TOX: variants seen among roughly 807,000 people sequenced by gnomAD.
The protein encoded by TOX is thymocyte selection associated high mobility group box.
A neutral mutation model predicts 53.7 loss-of-function variants in TOX; 11 were observed. The observed-to-expected ratio is 0.20, with a 90% CI of 0.13 to 0.34. TOX has a LOEUF of 0.34. Among genes scored for constraint, TOX ranks in the 10% least tolerant of loss-of-function variants. TOX has a pLI of 1.00. For synonymous variants in TOX, 225 were observed against 245.3 expected, an observed-to-expected ratio of 0.92 and a Z score of 0.77; for missense variants, 570 against 664.6, an observed-to-expected ratio of 0.86 and a Z score of 1.56.
chr8:59,110,839 G>A (rs1322445682), intron 1 of TOX, among the ~76,000 whole-genome samples: 1 of 151,960 alleles, frequency 6.6e-6, no homozygotes, highest in African/African-American at 2.4e-5. Context: ...TTATCTCTTT[G>A]ACTCTCTTCC....
intron 3 of TOX, among the ~76,000 whole-genome samples, chr8:58,889,134 C>T (rs1278908390): frequency 2.0e-5 from 3 of 149,676 alleles, no homozygotes; most frequent in Non-Finnish European, 3.0e-5. Flanking sequence ...CATTTTTTAT[C>T]CAGAAGTTCC....
intron 1 of TOX, among the ~76,000 whole-genome samples, chr8:59,101,095 G>A (rs915676374): frequency 6.6e-6 from 1 of 152,126 alleles, no homozygotes; most frequent in Non-Finnish European, 1.5e-5. Context: ...GAAAGGAAAG[G>A]AAAAGCGCAG....
intron 3 of TOX, among the ~76,000 whole-genome samples, chr8:58,909,278 G>A (rs1811869974): frequency 6.6e-6 from 1 of 152,120 alleles, no homozygotes; most frequent in Non-Finnish European, 1.5e-5. Context: ...GTTGATAGGT[G>A]CAGCAAACCA....
chr8:58,980,694 C>A (rs1215846611), intron 1 of TOX, among the ~76,000 whole-genome samples: 1 of 152,188 alleles, frequency 6.6e-6, no homozygotes. Context: ...CCTCTAAGGT[C>A]TTAGAACTGC....
intron 1 of TOX, among the ~76,000 whole-genome samples, chr8:59,016,939 A>G (rs1814023137): frequency 6.6e-6 from 1 of 152,194 alleles, no homozygotes; most frequent in African/African-American, 2.4e-5. Flanking sequence ...CAGCCTCCCA[A>G]TCCCAATATT....
chr8:59,101,394 C>G (rs1186687563), intron 1 of TOX, among the ~76,000 whole-genome samples: 1 of 152,144 alleles, frequency 6.6e-6, no homozygotes, highest in Non-Finnish European at 1.5e-5. Flanking sequence ...CTTCTCTGTA[C>G]CAACCCTATG....
chr8:58,930,233 T>C (rs1812236356), intron 3 of TOX, among the ~76,000 whole-genome samples: 1 of 152,218 alleles, frequency 6.6e-6, no homozygotes, highest in Non-Finnish European at 1.5e-5. Flanking sequence ...ATCTTGTACC[T>C]GTCTGGGGGA....
chr8:59,114,062 G>A (rs562233665), intron 1 of TOX, among the ~76,000 whole-genome samples: 29 of 152,064 alleles, frequency 1.9e-4, no homozygotes, highest in Non-Finnish European at 2.8e-4. Flanking sequence ...AACCAGGTTG[G>A]TACCCAGGAA....
intron 4 of TOX, among the ~76,000 whole-genome samples, chr8:58,844,702 A>G (rs1175791854): frequency 3.9e-5 from 6 of 152,140 alleles, no homozygotes; most frequent in African/African-American, 1.4e-4. Context: ...ATAGCAACTA[A>G]AACATGGCTG....
At chr8:58,900,235 CAT>C (rs1811712717) in intron 3 of TOX, among the ~76,000 whole-genome samples, 1 of 152,034 alleles carries the variant, frequency 6.6e-6, no homozygotes, top group Non-Finnish European at 1.5e-5. Context: ...TCAACCACAG[CAT>C]ATGTTATTTT....
chr8:58,996,843 T>A (rs943318126), intron 1 of TOX, among the ~76,000 whole-genome samples: 7 of 152,242 alleles, frequency 4.6e-5, no homozygotes, highest in African/African-American at 1.7e-4. Context: ...ATCGATGATG[T>A]CACTGGGTTT....
At chr8:59,080,705 G>C (rs112424867) in intron 1 of TOX, among the ~76,000 whole-genome samples, 1 of 151,948 alleles carries the variant, frequency 6.6e-6, no homozygotes, top group Non-Finnish European at 1.5e-5. Flanking sequence ...CACAAGATCC[G>C]GTCATTTAAG....
chr8:58,829,115 G>A (rs929578235), intron 5 of TOX, among the ~76,000 whole-genome samples: 2 of 152,052 alleles, frequency 1.3e-5, no homozygotes, highest in African/African-American at 4.8e-5. Flanking sequence ...GTCTGACTAC[G>A]GCATCTATCA....
At chr8:59,085,925 C>T (rs1422291611) in intron 1 of TOX, among the ~76,000 whole-genome samples, 1 of 151,606 alleles carries the variant, frequency 6.6e-6, no homozygotes. Context: ...TGAATCAAAC[C>T]ATTCCAACAA....
intron 6 of TOX, among the ~76,000 whole-genome samples, chr8:58,816,027 T>G (rs28460220): frequency 0.22 from 34,144 of 151,916 alleles, 7,916 homozygotes; most frequent in African/African-American, 0.58. Flanking sequence ...TTGTGGAGGG[T>G]GGGGGACGGG....
In TOX at chr8:58,970,429, T is replaced by C. The variant is rs117814952; in HGVS notation, c.103-10421A>G. Among the ~76,000 whole-genome samples the C allele has an allele frequency of 6.3e-3, 958 of 152,300 alleles. 47 individuals carry two copies. The East Asian group carries it at 0.089, about 14-fold the overall frequency. On this transcript the variant is annotated intron_variant, in intron 1 of 8. Transcript: ENST00000361421. ...ACTACTAATTAGATGATCATAGAAT[T>C]TATCCTCCAGCTTGGAACACTTCTG...
At chr8:58,894,532 A>G (rs1811608533) in intron 3 of TOX, among the ~76,000 whole-genome samples, 1 of 152,240 alleles carries the variant, frequency 6.6e-6, no homozygotes, top group African/African-American at 2.4e-5. Flanking sequence ...TAAAAGGCTC[A>G]TTGATATTAG....
intron 1 of TOX, among the ~76,000 whole-genome samples, chr8:58,998,521 A>G (rs59124499): frequency 2.7e-5 from 3 of 109,826 alleles, no homozygotes; most frequent in African/African-American, 1.1e-4. Context: ...ATATATATAT[A>G]TATATATATA....
rs139324308 is a variant in TOX at position 58,996,088 on chromosome 8, A to T, written c.103-36080T>A. On this transcript the variant is annotated intron_variant, in intron 1 of 8. Coordinates refer to ENST00000361421, the MANE Select transcript of TOX (RefSeq NM_014729.3). The stretch of plus-strand genomic sequence containing the variant: ...TTTTATAGCAGTTTTACTCTTTCTG[A>T]CAAGCATATTTCCACTCTCTTTTTA... Among the ~76,000 whole-genome samples, 461 of 152,326 alleles carry T rather than the reference A, an allele frequency of 3.0e-3. 2 individuals carry two copies. Among genetic ancestry groups the T allele is most frequent in the Middle Eastern group, 0.014 (4 of 294 alleles).
Sources: allele counts gnomAD v4.1 joint callset (sites outside exome capture counted in the v4.1 genomes callset), GRCh38; gene constraint gnomAD v4.1.1; transcripts MANE v1.5; gene names NCBI Gene and HGNC (gene_info 2026-07-23, HGNC 2026-07-21).